Variants in CASZ1 observed in about 807,000 individuals in gnomAD.
CASZ1 encodes the protein zinc finger protein castor homolog 1.
Under a neutral mutation model 135.2 loss-of-function variants are expected in CASZ1, and 28 were observed. That is an observed-to-expected ratio of 0.21 (90% CI 0.15 to 0.28). CASZ1 has a LOEUF of 0.28. Ranked by LOEUF, CASZ1 falls within the 10% of genes least tolerant of loss-of-function variation. CASZ1 has a pLI of 1.00. For missense variants in CASZ1, 2,161 were observed against 2,453.3 expected (o/e 0.88, Z 2.52); for synonymous variants, 1,068 against 1,073.4 (o/e 0.99, Z 0.10).
chr1:10,675,333 C>T (rs146236248), intron 4 of CASZ1, among the ~76,000 whole-genome samples: 223 of 152,132 alleles, frequency 1.5e-3, no homozygotes, highest in African/African-American at 5.3e-3. Context: ...GGGCCAGGGT[C>T]GAGCCAGGGA....
intron 1 of CASZ1, among the ~76,000 whole-genome samples, chr1:10,772,658 G>A (rs1213007909): frequency 1.3e-5 from 2 of 152,194 alleles, no homozygotes; most frequent in African/African-American, 2.4e-5. Flanking sequence ...TTTAACGAGG[G>A]CAGGGTGTCC....
At chr1:10,681,893 A>G (rs1397833373) in intron 4 of CASZ1, among the ~76,000 whole-genome samples, 2 of 151,254 alleles carry the variant, frequency 1.3e-5, no homozygotes, top group Non-Finnish European at 2.9e-5. Flanking sequence ...GCTCACCTCC[A>G]AACGCCCTTC....
At chr1:10,715,201 T>G (rs936998171) in intron 2 of CASZ1, among the ~76,000 whole-genome samples, 1 of 152,190 alleles carries the variant, frequency 6.6e-6, no homozygotes, top group African/African-American at 2.4e-5. Flanking sequence ...CCATCCTGTT[T>G]GAGGGGTCGG....
chr1:10,658,409 G>T, intron 7 of CASZ1, 99 bp downstream of exon 7: 2 of 938,438 alleles, frequency 2.1e-6, no homozygotes, highest in Non-Finnish European at 3.4e-6. Context: ...CAGCTACCTT[G>T]GCCCTAGAGG....
chr1:10,750,921 TAAATA>T (rs1032590752), intron 2 of CASZ1, among the ~76,000 whole-genome samples: 8 of 150,358 alleles, frequency 5.3e-5, no homozygotes, highest in African/African-American at 1.7e-4. Context: ...TATATAAATA[TAAATA>T]AAATAAAAAA....
chr1:10,762,798 GACCAGGGGCTGACCACAGGCCAACGGTGA>G lies in CASZ1; in HGVS notation c.-233-1970_-233-1942del, dbSNP rs1451044306. On this transcript the variant is annotated intron_variant, in intron 1 of 20. Coordinates refer to ENST00000377022, the MANE Select transcript of CASZ1 (RefSeq NM_001079843.3). This position sits in a 1 kb window ranked among gnomAD's most constrained non-coding sequence, Gnocchi z 4.1. ...CCAACTCCAGGCAAGGCGCTGGCAA[GACCAGGGGCTGACCACAGGCCAACGGTGA>G]ACACTCTCGGTGTTTCATGTCCTTG... Among the ~76,000 whole-genome samples the G allele has an allele frequency of 2.0e-5, 3 of 152,114 alleles. No homozygotes were observed. Among genetic ancestry groups the G allele is most frequent in the Non-Finnish European group, 4.4e-5 (3 of 68,038 alleles).
At position 10,720,987 on chromosome 1, in the gene CASZ1, A is replaced by T. The variant is rs193279543; in HGVS notation, c.-76-15443T>A. Among the ~76,000 whole-genome samples the T allele has an allele frequency of 1.8e-3, 268 of 152,262 alleles. No individual in the cohort carries two copies. Among genetic ancestry groups the T allele is most frequent in the African/African-American group, 6.3e-3 (262 of 41,558 alleles). ...TGCTCAGGGCCACAACCGGCTCTGG[A>T]GGGAGGGATTTAAGAGCAAAGCCAC... On this transcript the variant is annotated intron_variant, in intron 2 of 20. Coordinates refer to ENST00000377022, the MANE Select transcript of CASZ1 (RefSeq NM_001079843.3). This position sits in a 1 kb window ranked among gnomAD's most constrained non-coding sequence, Gnocchi z 5.7.
chr1:10,765,593 G>A (rs1557559550), intron 1 of CASZ1, among the ~76,000 whole-genome samples: 1 of 152,190 alleles, frequency 6.6e-6, no homozygotes, highest in Non-Finnish European at 1.5e-5. Context: ...CGGCCAACAT[G>A]CAGATCGGTC....
At chr1:10,698,365 C>A (rs1638984882) in intron 3 of CASZ1, among the ~76,000 whole-genome samples, 1 of 152,196 alleles carries the variant, frequency 6.6e-6, no homozygotes, top group African/African-American at 2.4e-5. Context: ...CAGCACATTT[C>A]CCATTTTTTT....
intron 1 of CASZ1, among the ~76,000 whole-genome samples, chr1:10,795,820 A>G (rs1190960260): frequency 6.6e-6 from 1 of 152,090 alleles, no homozygotes; most frequent in Non-Finnish European, 1.5e-5. Context: ...CCCCCCATCT[A>G]AGAAATCTCT....
At chr1:10,749,318 G>A (rs1215370442) in intron 2 of CASZ1, among the ~76,000 whole-genome samples, 1 of 151,716 alleles carries the variant, frequency 6.6e-6, no homozygotes, top group East Asian at 1.9e-4. Context: ...TGCAACCTCA[G>A]CTCACTGCAG....
In CASZ1 at chr1:10,792,464, C is replaced by G. The variant is rs577603504; in HGVS notation, c.-234+4100G>C. 3.5e-3 allele frequency among the ~76,000 whole-genome samples: 523 copies of G among 151,156 alleles called. 3 individuals are homozygous for G. Among genetic ancestry groups the G allele is most frequent in the Middle Eastern group, 0.014 (4 of 290 alleles). The stretch of plus-strand genomic sequence containing the variant: ...ATGGAAGAACATTCACTCCCCCTAC[C>G]TCCAAGAAAATGCAACCCCTGCCTT... On this transcript the variant is annotated intron_variant, in intron 1 of 20. Coordinates refer to ENST00000377022, the MANE Select transcript of CASZ1 (RefSeq NM_001079843.3).
At chr1:10,790,260 C>G (rs949071691) in intron 1 of CASZ1, among the ~76,000 whole-genome samples, 17 of 152,202 alleles carry the variant, frequency 1.1e-4, no homozygotes, top group Non-Finnish European at 2.2e-4. Flanking sequence ...CAGCCTGCAC[C>G]CTCCCAACCA....
intron 2 of CASZ1, among the ~76,000 whole-genome samples, chr1:10,716,217 A>C (rs966852417): frequency 6.7e-6 from 1 of 148,946 alleles, no homozygotes; most frequent in African/African-American, 2.5e-5. Flanking sequence ...CACAGCACCC[A>C]ATCCACACTC....
In CASZ1 at chr1:10,639,110, C is replaced by CTCGTCG. The variant is rs754122507; in HGVS notation, c.5106_5111dup (p.Asp1702_Asp1703dup). The CTCGTCG allele has an allele frequency of 2.6e-6, 3 of 1,149,692 alleles. No individual in the cohort carries two copies. Among genetic ancestry groups the CTCGTCG allele is most frequent in the Non-Finnish European group, 3.3e-6 (3 of 908,280 alleles). The allele number at this position is 1,149,692 out of a possible 1,614,324, so 71.2% of individuals were successfully genotyped here. A position where few individuals can be genotyped will look rare whatever the true frequency, so the allele number is the denominator to read the frequency against. On this transcript the variant is annotated inframe_insertion, in exon 21 of 21. Transcript: ENST00000377022. This position sits in a 1 kb window ranked among gnomAD's most constrained non-coding sequence, Gnocchi z 4.0. Reference sequence around the variant, plus strand: ...CGTCGTCGTCGTCCTCGTCGTCGTCCTCGTCGTCGTCGTCCTCGTCGTCGT... The same window carrying CTCGTCG: ...CGTCGTCGTCGTCCTCGTCGTCGTCCTCGTCGTCGTCGTCGTCGTCCTCGTCGTCGT...
At chr1:10,661,948 C>T (rs138963424) in intron 5 of CASZ1, among the ~76,000 whole-genome samples, 5 of 149,960 alleles carry the variant, frequency 3.3e-5, no homozygotes, top group African/African-American at 4.9e-5. Context: ...TGCACTCATA[C>T]GCCATCACAT....
At chr1:10,763,180 C>T (rs1021729050) in intron 1 of CASZ1, among the ~76,000 whole-genome samples, 10 of 152,172 alleles carry the variant, frequency 6.6e-5, no homozygotes, top group Admixed American at 4.6e-4. Context: ...GCCCAGGCCC[C>T]GGGGGCCATG....
chr1:10,708,254 G>A (rs1040306913), intron 2 of CASZ1, among the ~76,000 whole-genome samples: 1 of 152,186 alleles, frequency 6.6e-6, no homozygotes, highest in African/African-American at 2.4e-5. Flanking sequence ...TCCTGTCCAT[G>A]TGAAAAAGCA....
intron 1 of CASZ1, among the ~76,000 whole-genome samples, chr1:10,761,779 G>A (rs1221985808): frequency 1.3e-5 from 2 of 152,204 alleles, no homozygotes; most frequent in Non-Finnish European, 2.9e-5. Flanking sequence ...CGATCTCGGC[G>A]TACGACCTCC....
Sources: allele counts gnomAD v4.1 joint callset (sites outside exome capture counted in the v4.1 genomes callset), GRCh38; gene constraint gnomAD v4.1.1; non-coding constraint Gnocchi (gnomAD v3.1); transcripts MANE v1.5; gene names NCBI Gene and HGNC (gene_info 2026-07-23, HGNC 2026-07-21).